CCR2: variants seen among roughly 807,000 people sequenced by gnomAD.
CCR2 encodes C-C chemokine receptor type 2.
For synonymous variants in CCR2, 183 were observed against 177.1 expected (o/e 1.03, Z -0.27); for missense variants, 408 against 440.0 (o/e 0.93, Z 0.65).
chr3:46,355,123 T>C (rs186727008), intron 1 of CCR2, among the ~76,000 whole-genome samples: 1 of 152,292 alleles, frequency 6.6e-6, no homozygotes, highest in Admixed American at 6.5e-5. Context: ...GAGCTGAAAA[T>C]AGAAGCATAA....
Position 46,358,543 on chromosome 3 carries a change from C to G in CCR2, c.1016C>G (p.Thr339Arg), listed in dbSNP as rs778974525. ...CAATGTCCAGTTTTCTACAGGGAGA[C>G]AGTGGATGGAGTGACTTCAACAAAC... ...CKQCPVFYRE[T>R]VDGVTSTNTP... Residue 339 changes from threonine (T) to arginine (R), a missense_variant, in exon 2 of 2, where the codon ACA (threonine) becomes AGA (arginine). Coordinates refer to ENST00000445132, the MANE Select transcript of CCR2 (RefSeq NM_001123396.4). The G allele has an allele frequency of 6.2e-6, 10 of 1,611,302 alleles. No homozygotes were observed. The highest frequency in any genetic ancestry group is 3.4e-5 in the Admixed American group (2 of 59,648).
chr3:46,358,944 C>T lies in CCR2; in HGVS notation c.*334C>T. On this transcript the variant is annotated 3_prime_UTR_variant, in exon 2 of 2. Coordinates refer to ENST00000445132, the MANE Select transcript of CCR2 (RefSeq NM_001123396.4). ...CTGTCAATGTCTTGAAATCAAGGGC[C>T]AGCTGGAGGTGAAGAAGAGAATGTG... 9.3e-7 allele frequency: 1 copy of T among 1,071,124 alleles called. No individual in the cohort carries two copies. The highest frequency in any genetic ancestry group is 1.1e-6 in the Non-Finnish European group (1 of 873,362). 66.4% of individuals were successfully genotyped at this position (1,071,124 alleles called of 1,614,324 possible).
At position 46,360,374 on chromosome 3, in the gene CCR2, A is replaced by G. The variant is rs1345782741; in HGVS notation, c.*1764A>G. ...TCGCTGTCATCTCAGCTGGATCTCC[A>G]TTCTCTCAGGCTTGCTGCCAAAAGC... On this transcript the variant is annotated 3_prime_UTR_variant, in exon 2 of 2. Transcript: ENST00000445132. 1 of 153,510 alleles carries G rather than the reference A, an allele frequency of 6.5e-6. No homozygotes were observed. Among genetic ancestry groups the G allele is most frequent in the Non-Finnish European group, 1.4e-5 (1 of 69,008 alleles). The allele number at this position is 153,510 out of a possible 1,614,324, so 9.5% of individuals were successfully genotyped here.
rs532015265 is a variant in CCR2 at position 46,358,715 on chromosome 3, C to T, written c.*105C>T. The T allele has an allele frequency of 2.1e-5, 31 of 1,470,256 alleles. No homozygotes were observed. In the East Asian group the frequency reaches 7.4e-4, roughly 35 times the overall value. 91.1% of individuals were successfully genotyped at this position (1,470,256 alleles called of 1,614,324 possible). ...CAATAGAAACCTGTAAAGCAGGTGC[C>T]CAGGAACCTCAGGGCTGTGTGTACT... On this transcript the variant is annotated 3_prime_UTR_variant, in exon 2 of 2. Transcript: ENST00000445132.
In CCR2 at chr3:46,358,863, C is replaced by T. The variant is rs1280598252; in HGVS notation, c.*253C>T. Reference sequence around the variant, plus strand: ...TCAGCTCCTGAAAAATGCCTCATTACCTTGTGCTAATCCTCTTTTTCTAGT... The same window carrying T: ...TCAGCTCCTGAAAAATGCCTCATTATCTTGTGCTAATCCTCTTTTTCTAGT... On this transcript the variant is annotated 3_prime_UTR_variant, in exon 2 of 2. Transcript: ENST00000445132. 8.0e-7 allele frequency: 1 copy of T among 1,245,324 alleles called. No individual in the cohort carries two copies. The highest frequency in any genetic ancestry group is 1.0e-6 in the Non-Finnish European group (1 of 981,532). 77.1% of individuals were successfully genotyped at this position (1,245,324 alleles called of 1,614,324 possible).
In CCR2 at chr3:46,359,746, G is replaced by A. The variant is rs1353500979; in HGVS notation, c.*1136G>A. Reference sequence around the variant, plus strand: ...AACCAGTGTGTGGAGGTCCAGGAGTGAGACCAGGAAAGAATGTGAAAGTGA... The same window carrying A: ...AACCAGTGTGTGGAGGTCCAGGAGTAAGACCAGGAAAGAATGTGAAAGTGA... On this transcript the variant is annotated 3_prime_UTR_variant, in exon 2 of 2. Transcript: ENST00000445132. 1.2e-6 allele frequency: 2 copies of A among 1,614,022 alleles called. No homozygotes were observed. Among genetic ancestry groups the A allele is most frequent in the Non-Finnish European group, 1.7e-6 (2 of 1,179,990 alleles).
At position 46,357,547 on chromosome 3, in the gene CCR2, C is replaced by A. The variant is rs1331436286; in HGVS notation, c.20C>A (p.Ser7Tyr). The A allele has an allele frequency of 1.9e-6, 3 of 1,613,924 alleles. No homozygotes were observed. The highest frequency in any genetic ancestry group is 1.7e-6 in the Non-Finnish European group (2 of 1,179,822). Residue 7 changes from serine (S) to tyrosine (Y), a missense_variant, in exon 2 of 2, where the codon TCT becomes TAT. By Grantham distance (144) the Ser-to-Tyr change is moderately radical. Transcript: ENST00000445132. MLSTSR[S>Y]RFIRNTNESG... Reference sequence around the variant, plus strand: ...CACAACATGCTGTCCACATCTCGTTCTCGGTTTATCAGAAATACCAACGAG... The same window carrying A: ...CACAACATGCTGTCCACATCTCGTTATCGGTTTATCAGAAATACCAACGAG...
Position 46,357,563 on chromosome 3 carries a change from T to A in CCR2, c.36T>A (p.Asn12Lys). Residue 12 changes from asparagine to lysine, a missense_variant, in exon 2 of 2, where the codon AAT becomes AAA. Physicochemically the swap from Asn to Lys is moderately conservative, Grantham distance 94. Transcript: ENST00000445132. ...LSTSRSRFIR[N>K]TNESGEEVTT... ...CATCTCGTTCTCGGTTTATCAGAAA[T>A]ACCAACGAGAGCGGTGAAGAAGTCA... 6.2e-7 allele frequency: 1 copy of A among 1,613,992 alleles called. No homozygotes were observed. Among genetic ancestry groups the A allele is most frequent in the Non-Finnish European group, 8.5e-7 (1 of 1,179,964 alleles).
chr3:46,359,937 G>T lies in CCR2; in HGVS notation c.*1327G>T. The T allele has an allele frequency of 7.1e-7, 1 of 1,407,294 alleles. No homozygotes were observed. 87.2% of individuals were successfully genotyped at this position (1,407,294 alleles called of 1,614,324 possible). ...ATGTGTGATTCACAGTGTGAATCTT[G>T]GTGTCTACGTTACCAGGCAGGAAGG... On this transcript the variant is annotated 3_prime_UTR_variant, in exon 2 of 2. Transcript: ENST00000445132.
intron 1 of CCR2, among the ~76,000 whole-genome samples, chr3:46,356,350 T>C (rs1447536837): frequency 6.6e-6 from 1 of 152,036 alleles, no homozygotes; most frequent in Non-Finnish European, 1.5e-5. Context: ...GCCTGGGGAA[T>C]CTTAAGGTGT....
rs2106724477 is a variant in CCR2 at position 46,359,414 on chromosome 3, A to G, written c.*804A>G. On this transcript the variant is annotated 3_prime_UTR_variant, in exon 2 of 2. Coordinates refer to ENST00000445132, the MANE Select transcript of CCR2 (RefSeq NM_001123396.4). Reference sequence around the variant, plus strand: ...TGATATGCTAATATATGTATATGCAATATATATAGGCTCTTGCTTGATCTC... The same window carrying G: ...TGATATGCTAATATATGTATATGCAGTATATATAGGCTCTTGCTTGATCTC... The G allele has an allele frequency of 3.7e-6, 4 of 1,093,528 alleles. No homozygotes were observed. The highest frequency in any genetic ancestry group is 3.4e-6 in the Non-Finnish European group (3 of 870,670). 67.7% of individuals were successfully genotyped at this position (1,093,528 alleles called of 1,614,324 possible). A position where few individuals can be genotyped will look rare whatever the true frequency, so the allele number is the denominator to read the frequency against.
At position 46,357,830 on chromosome 3, in the gene CCR2, T is replaced by A; in HGVS notation, c.303T>A (p.Ser101=). Residue 101 remains serine, a synonymous_variant, in exon 2 of 2, where the codon TCT becomes TCA. Coordinates refer to ENST00000445132, the MANE Select transcript of CCR2 (RefSeq NM_001123396.4). ...FLITLPLWAH[S]AANEWVFGNA... is the part of the protein sequence containing the mutation. ...TTACTCTCCCATTGTGGGCTCACTCTGCTGCAAATGAGTGGGTCTTTGGGA... is the reference window on the plus strand; with the variant it reads ...TTACTCTCCCATTGTGGGCTCACTCAGCTGCAAATGAGTGGGTCTTTGGGA... 6.2e-7 allele frequency: 1 copy of A among 1,614,254 alleles called. No individual in the cohort carries two copies. Among genetic ancestry groups the A allele is most frequent in the East Asian group, 2.2e-5 (1 of 44,890 alleles).
At position 46,357,903 on chromosome 3, in the gene CCR2, G is replaced by A. The variant is rs1349428151; in HGVS notation, c.376G>A (p.Gly126Ser). The change falls in exon 2 of 2, where the codon GGC becomes AGC. Residue 126 changes from glycine to serine, a missense_variant. Transcript: ENST00000445132. ...AGGGCTGTATCACATCGGTTATTTT[G>A]GCGGAATCTTCTTCATCATCCTCCT... The part of the protein sequence containing the change: ...FTGLYHIGYF[G>S]GIFFIILLTI... The A allele has an allele frequency of 6.2e-7, 1 of 1,614,120 alleles. No homozygotes were observed. The highest frequency in any genetic ancestry group is 8.5e-7 in the Non-Finnish European group (1 of 1,180,002).
intron 1 of CCR2, among the ~76,000 whole-genome samples, chr3:46,357,221 C>A (rs750574204): frequency 2.0e-5 from 3 of 152,196 alleles, no homozygotes; most frequent in Non-Finnish European, 4.4e-5. Flanking sequence ...AAACGCCCAG[C>A]GCTTTTAGCC....
chr3:46,360,636 T>A lies in CCR2; in HGVS notation c.*2026T>A, dbSNP rs895827596. ...CTTAGTCGAGCCAAGTTAAGAATGT[T>A]CTTATGTTGCCCAGTGTGTTTCTGA... On this transcript the variant is annotated 3_prime_UTR_variant, in exon 2 of 2. Transcript: ENST00000445132. 6.6e-6 allele frequency: 1 copy of A among 152,174 alleles called. No individual in the cohort carries two copies. The highest frequency in any genetic ancestry group is 1.5e-5 in the Non-Finnish European group (1 of 68,034). The allele number at this position is 152,174 out of a possible 1,614,324, so 9.4% of individuals were successfully genotyped here. A position where few individuals can be genotyped will look rare whatever the true frequency, so the allele number is the denominator to read the frequency against.
intron 1 of CCR2, among the ~76,000 whole-genome samples, chr3:46,354,396 T>G (rs765288540): frequency 6.6e-6 from 1 of 150,928 alleles, no homozygotes; most frequent in African/African-American, 2.4e-5. Context: ...TGGGGGAGAG[T>G]GGGCAGCAAG....
intron 1 of CCR2, among the ~76,000 whole-genome samples, chr3:46,356,755 T>C (rs546063212): frequency 4.6e-5 from 7 of 151,906 alleles, no homozygotes; most frequent in Non-Finnish European, 1.0e-4. Context: ...CCATCTCTAC[T>C]AAAAATACAA....
At chr3:46,356,624 A>G (rs2106716262) in intron 1 of CCR2, among the ~76,000 whole-genome samples, 1 of 152,250 alleles carries the variant, frequency 6.6e-6, no homozygotes, top group South Asian at 2.1e-4. Context: ...AGAGAACAGA[A>G]AATGCAGTTC....
intron 1 of CCR2, among the ~76,000 whole-genome samples, chr3:46,356,092 T>C (rs1426817268): frequency 6.6e-6 from 1 of 152,206 alleles, no homozygotes; most frequent in East Asian, 1.9e-4. Context: ...TGCCTAAAAC[T>C]GAGTATGGTT....
Sources: gnomAD v4.1 joint callset for allele counts (sites outside exome capture counted in the v4.1 genomes callset) on GRCh38, gnomAD v4.1.1 for gene constraint, MANE v1.5 for transcripts, NCBI Gene and HGNC (gene_info 2026-07-23, HGNC 2026-07-21) for gene names.